FMNL3: variants seen among roughly 807,000 people sequenced by gnomAD.
FMNL3 encodes the protein formin-like protein 3.
FMNL3 carries 57 observed loss-of-function variants against 119.6 expected under a neutral mutation model. The ratio of observed to expected loss-of-function variants is 0.48; its 90% CI spans 0.39 to 0.59. The LOEUF is 0.59. Among genes scored for constraint, FMNL3 ranks in the 20% least tolerant of loss-of-function variants. The pLI, the probability that FMNL3 is intolerant of heterozygous loss-of-function variation, is 0.00. For missense variants in FMNL3, 1,053 were observed against 1,323.5 expected (o/e 0.80, Z 3.17); for synonymous variants, 491 against 507.3 (o/e 0.97, Z 0.43).
chr12:49,700,788 C>A (rs1163788642), intron 1 of FMNL3, among the ~76,000 whole-genome samples: 1 of 142,738 alleles, frequency 7.0e-6, no homozygotes, highest in Non-Finnish European at 1.5e-5. Context: ...GTAATGAAAT[C>A]ATGATACTGG....
At chr12:49,700,968 A>T (rs1400089029) in intron 1 of FMNL3, among the ~76,000 whole-genome samples, 1 of 150,438 alleles carries the variant, frequency 6.6e-6, no homozygotes, top group Non-Finnish European at 1.5e-5. Flanking sequence ...AATCCCAGCT[A>T]CTTGGGAGGC....
In FMNL3 at chr12:49,648,275, T is replaced by C. The variant is rs1943276694; in HGVS notation, c.2594A>G (p.His865Arg). ...GAAGTTCCGGAGGACGCTGTTGTCA[T>C]GGATGCTGCACTCACGCCGAATCAG... ...MELIRRECSI[H>R]DNSVLRNFLS... is the part of the protein sequence containing the mutation. Residue 865 changes from histidine (H) to arginine (R), a missense_variant, in exon 22 of 26, where the codon CAT becomes CGT. His to Arg is a conservative substitution (Grantham distance 29, BLOSUM62 0). This residue lies in a region of FMNL3 where 324 missense variants were observed against 380.9 expected (regional missense o/e 0.85). Transcript: ENST00000335154. 6.2e-7 allele frequency: 1 copy of C among 1,613,984 alleles called. No homozygotes were observed. The highest frequency in any genetic ancestry group is 1.1e-5 in the South Asian group (1 of 91,062).
chr12:49,691,057 A>G (rs1479157854), intron 1 of FMNL3, among the ~76,000 whole-genome samples: 2 of 152,170 alleles, frequency 1.3e-5, no homozygotes, highest in African/African-American at 4.8e-5. Context: ...AACAACAAAA[A>G]AAACTGGGCT....
intron 1 of FMNL3, among the ~76,000 whole-genome samples, chr12:49,700,440 C>T (rs950711068): frequency 1.4e-5 from 2 of 141,092 alleles, no homozygotes; most frequent in Admixed American, 7.3e-5. Flanking sequence ...ATACGCTGGA[C>T]GCAGTGGCTC....
chr12:49,658,725 G>A, intron 5 of FMNL3, 131 bp from the exon 6 acceptor site: 3 of 1,116,338 alleles, frequency 2.7e-6, no homozygotes, highest in Non-Finnish European at 3.7e-6. Context: ...GTAGCAAGGA[G>A]AGAAAGCAGA....
At chr12:49,662,081 C>T in intron 4 of FMNL3, 32 bp from the exon 5 acceptor site, 2 of 1,609,966 alleles carry the variant, frequency 1.2e-6, no homozygotes, top group Middle Eastern at 1.7e-4. Context: ...TGGAAGGGGT[C>T]TGCTAAAAGT....
intron 13 of FMNL3, among the ~76,000 whole-genome samples, chr12:49,652,760 T>A (rs1236313711): frequency 1.3e-5 from 2 of 152,218 alleles, no homozygotes; most frequent in Non-Finnish European, 2.9e-5. Context: ...GGGGCATGAC[T>A]TTATAATGAA....
At chr12:49,681,963 C>T (rs1009211589) in intron 1 of FMNL3, among the ~76,000 whole-genome samples, 3 of 152,044 alleles carry the variant, frequency 2.0e-5, no homozygotes, top group Non-Finnish European at 2.9e-5. Flanking sequence ...CAGTGCCTGG[C>T]GCAGGAGAAA....
intron 14 of FMNL3, 82 bp from the exon 15 acceptor site, chr12:49,651,532 T>C (rs1943401050): frequency 1.8e-6 from 2 of 1,111,060 alleles, no homozygotes; most frequent in South Asian, 2.9e-5. Flanking sequence ...TGTCCCACCT[T>C]CTCTGAGAGT....
Position 49,639,909 on chromosome 12 carries a change from G to C in FMNL3, c.*5906C>G, listed in dbSNP as rs1942375092. The C allele has an allele frequency of 6.6e-6, 1 of 152,182 alleles. No individual in the cohort carries two copies. Among genetic ancestry groups the C allele is most frequent in the Non-Finnish European group, 1.5e-5 (1 of 67,992 alleles). The allele number at this position is 152,182 out of a possible 1,614,324, so 9.4% of individuals were successfully genotyped here. On this transcript the variant is annotated 3_prime_UTR_variant, in exon 26 of 26. Coordinates refer to ENST00000335154, the MANE Select transcript of FMNL3 (RefSeq NM_175736.5). ...TTTTAAAACAGAATAATCGTATAAA[G>C]TAGAAATGCCTTATCCTGGGATAGC...
intron 1 of FMNL3, among the ~76,000 whole-genome samples, chr12:49,694,594 A>G (rs1218353824): frequency 6.6e-6 from 1 of 152,126 alleles, no homozygotes; most frequent in African/African-American, 2.4e-5. Context: ...AGTCTTCAAA[A>G]TTTCACCCAG....
chr12:49,650,808 C>T lies in FMNL3; in HGVS notation c.1868G>A (p.Cys623Tyr). Residue 623 changes from cysteine (C) to tyrosine (Y), a missense_variant, in exon 17 of 26, where the codon TGC (cysteine) becomes TAC (tyrosine). Physicochemically the swap from Cys to Tyr is radical, Grantham distance 194. This residue lies in a region of FMNL3 where 445 missense variants were observed against 628.4 expected (regional missense o/e 0.71). Coordinates refer to ENST00000335154, the MANE Select transcript of FMNL3 (RefSeq NM_175736.5). ...KAQGPALDLI[C>Y]SKNKTAQKAA... ...TTTTTGCGCTGTCTTGTTTTTGGAG[C>T]AGATGAGGTCAAGGGCAGGGCCCTG... is the stretch of plus-strand genomic sequence containing the variant. 2 of 1,614,200 alleles carry T rather than the reference C, an allele frequency of 1.2e-6. No individual in the cohort carries two copies. The highest frequency in any genetic ancestry group is 1.7e-6 in the Non-Finnish European group (2 of 1,180,032).
In FMNL3 at chr12:49,652,355, G is replaced by C. The variant is rs1943431500; in HGVS notation, c.1324-143C>G. On this transcript the variant is annotated intron_variant, in intron 13 of 25. Transcript: ENST00000335154. The stretch of plus-strand genomic sequence containing the variant: ...GGCTCAGAGTGGCAGAAACCCAGGT[G>C]GGGGAATGAGGAAGCTGGAAGGCAG... 6 of 1,408,386 alleles carry C rather than the reference G, an allele frequency of 4.3e-6. No individual in the cohort carries two copies. In the Admixed American group the frequency reaches 8.7e-5, roughly 20 times the overall value. The allele number at this position is 1,408,386 out of a possible 1,614,324, so 87.2% of individuals were successfully genotyped here.
At position 49,676,468 on chromosome 12, in the gene FMNL3, C is replaced by T. The variant is rs970215230; in HGVS notation, c.127-7914G>A. On this transcript the variant is annotated intron_variant, in intron 1 of 25. Coordinates refer to ENST00000335154, the MANE Select transcript of FMNL3 (RefSeq NM_175736.5). ...GGATGAAATAACAAGAGAGAAAATA[C>T]CAGGACACTGATACCATGGACCTTT... 6.0e-5 allele frequency among the ~76,000 whole-genome samples: 9 copies of T among 150,562 alleles called. No homozygotes were observed. The Middle Eastern group carries it at 0.011, about 177-fold the overall frequency.
chr12:49,682,073 T>C (rs974484774), intron 1 of FMNL3, among the ~76,000 whole-genome samples: 4 of 136,126 alleles, frequency 2.9e-5, no homozygotes, highest in Non-Finnish European at 6.4e-5. Flanking sequence ...AATTTCAACC[T>C]TTTTTTTTTT....
intron 21 of FMNL3, among the ~76,000 whole-genome samples, chr12:49,648,567 G>A (rs1018107109): frequency 1.3e-5 from 2 of 152,248 alleles, no homozygotes; most frequent in African/African-American, 4.8e-5. Flanking sequence ...AAAGAACACA[G>A]TAGCAAAGGC....
At chr12:49,685,260 A>G (rs1292833688) in intron 1 of FMNL3, among the ~76,000 whole-genome samples, 1 of 152,100 alleles carries the variant, frequency 6.6e-6, no homozygotes, top group Non-Finnish European at 1.5e-5. Flanking sequence ...TGAGGCAGGC[A>G]GATCACTTGA....
intron 17 of FMNL3, among the ~76,000 whole-genome samples, chr12:49,650,157 G>A (rs879422969): frequency 5.3e-5 from 8 of 152,182 alleles, no homozygotes; most frequent in Non-Finnish European, 1.0e-4. Flanking sequence ...CTAGGGTGAA[G>A]TCCAAACACC....
intron 1 of FMNL3, among the ~76,000 whole-genome samples, chr12:49,685,844 A>T (rs1187268238): frequency 1.3e-5 from 2 of 152,126 alleles, no homozygotes; most frequent in Non-Finnish European, 2.9e-5. Flanking sequence ...AGGCAGGGGG[A>T]TCACTTGAGG....
Sources: gnomAD v4.1 joint callset for allele counts (sites outside exome capture counted in the v4.1 genomes callset) on GRCh38, gnomAD v4.1.1 for gene constraint, gnomAD v4.1.1 regional missense constraint, MANE v1.5 for transcripts, NCBI Gene and HGNC (gene_info 2026-07-23, HGNC 2026-07-21) for gene names.